TMEM132B: variants seen among roughly 807,000 people sequenced by gnomAD.
TMEM132B encodes the protein transmembrane protein 132B.
A neutral mutation model predicts 90.8 loss-of-function variants in TMEM132B; 18 were observed. The ratio of observed to expected loss-of-function variants is 0.20; its 90% CI spans 0.14 to 0.29. The LOEUF is 0.29. Among genes scored for constraint, TMEM132B ranks in the 10% least tolerant of loss-of-function variants. The pLI is 1.00. For missense variants in TMEM132B, 1,096 were observed against 1,326.8 expected, an observed-to-expected ratio of 0.83 and a Z score of 2.70; for synonymous variants, 504 against 523.3, an observed-to-expected ratio of 0.96 and a Z score of 0.50.
intron 3 of TMEM132B, among the ~76,000 whole-genome samples, chr12:125,422,704 C>A (rs573037718): frequency 2.4e-4 from 37 of 152,310 alleles, no homozygotes; most frequent in African/African-American, 8.2e-4. Context: ...GAGGAAACGG[C>A]CACGTGGTGA....
chr12:125,572,595 A>G (rs1249142174), intron 4 of TMEM132B, among the ~76,000 whole-genome samples: 2 of 152,216 alleles, frequency 1.3e-5, no homozygotes, highest in Admixed American at 6.5e-5. Context: ...GACAGGTGGT[A>G]TATGCTAGGT....
At chr12:125,351,888 G>A (rs761060333) in intron 2 of TMEM132B, among the ~76,000 whole-genome samples, 2 of 152,198 alleles carry the variant, frequency 1.3e-5, no homozygotes, top group Non-Finnish European at 2.9e-5. Context: ...AAGCAGCAAG[G>A]CTGGGTGCCA....
At chr12:125,327,422 C>G (rs1046529427) in intron 1 of TMEM132B, 1 of 152,384 alleles carries the variant, frequency 6.6e-6, no homozygotes, top group Non-Finnish European at 1.5e-5. Context: ...TCTCCCCTCC[C>G]ATCATAGCTA....
chr12:125,223,116 T>G (rs1271581324), intron 1 of TMEM132B, among the ~76,000 whole-genome samples: 1 of 152,230 alleles, frequency 6.6e-6, no homozygotes, highest in Non-Finnish European at 1.5e-5. Context: ...AGGAACTCTC[T>G]CAGCTAGGGC....
intron 1 of TMEM132B, among the ~76,000 whole-genome samples, chr12:125,196,043 T>C (rs1428969809): frequency 6.6e-6 from 1 of 152,178 alleles, no homozygotes; most frequent in Non-Finnish European, 1.5e-5. Context: ...AGGAGGGATC[T>C]GCTTTGACTC....
intron 4 of TMEM132B, among the ~76,000 whole-genome samples, chr12:125,543,387 A>G (rs949386153): frequency 7.9e-5 from 12 of 152,252 alleles, no homozygotes; most frequent in Admixed American, 7.9e-4. Flanking sequence ...TCTAACAACT[A>G]TTTACATAAA....
intron 3 of TMEM132B, among the ~76,000 whole-genome samples, chr12:125,483,116 G>T (rs1037062744): frequency 1.3e-5 from 2 of 151,776 alleles, no homozygotes; most frequent in African/African-American, 2.4e-5. Flanking sequence ...GTTGGGGGAG[G>T]GATAGCATTA....
At chr12:125,325,021 CAG>C (rs1230069075) in intron 1 of TMEM132B, among the ~76,000 whole-genome samples, 2 of 152,132 alleles carry the variant, frequency 1.3e-5, no homozygotes, top group East Asian at 3.9e-4. Flanking sequence ...CAACGCAAAA[CAG>C]AGAGCTCTTC....
chr12:125,193,410 C>T (rs1372241134), intron 1 of TMEM132B, among the ~76,000 whole-genome samples: 1 of 152,178 alleles, frequency 6.6e-6, no homozygotes, highest in Non-Finnish European at 1.5e-5. Flanking sequence ...CTGTGATCTC[C>T]AGGGCTTGTG....
At chr12:125,584,380 C>T (rs935837362) in intron 5 of TMEM132B, 1 of 193,138 alleles carries the variant, frequency 5.2e-6, no homozygotes, top group Admixed American at 5.4e-5. Context: ...ATATTATTTA[C>T]TCAATATATT....
chr12:125,322,388 G>T (rs1271681644), intron 1 of TMEM132B, among the ~76,000 whole-genome samples: 1 of 152,144 alleles, frequency 6.6e-6, no homozygotes, highest in African/African-American at 2.4e-5. Context: ...TAATTACCCA[G>T]TCTCAGATAT....
chr12:125,352,776 T>G (rs1024888454), intron 2 of TMEM132B, among the ~76,000 whole-genome samples: 7 of 152,240 alleles, frequency 4.6e-5, no homozygotes, highest in African/African-American at 1.7e-4. Flanking sequence ...CAATCCTGAC[T>G]GAGGCTGATC....
At chr12:125,264,625 G>C (rs959135438) in intron 1 of TMEM132B, among the ~76,000 whole-genome samples, 1 of 152,220 alleles carries the variant, frequency 6.6e-6, no homozygotes, top group South Asian at 2.1e-4. Flanking sequence ...AAGCAGTTGG[G>C]TCTGGGAGAG....
chr12:125,589,447 A>T (rs1593008731), intron 5 of TMEM132B, among the ~76,000 whole-genome samples: 2 of 130,908 alleles, frequency 1.5e-5, no homozygotes, highest in Middle Eastern at 9.9e-3. Flanking sequence ...GCGCCACTGC[A>T]CCCCAGCCCG....
chr12:125,197,296 A>T lies in TMEM132B; in HGVS notation c.67+10430A>T, dbSNP rs576633384. ...CAGTTTATTGTTCATTTGCTGGTAC[A>T]GGTGTTTTTGTTTTATTTAGTAGAG... On this transcript the variant is annotated intron_variant, in intron 1 of 8. Coordinates refer to ENST00000682704, the MANE Select transcript of TMEM132B (RefSeq NM_001366854.1). Among the ~76,000 whole-genome samples the T allele has an allele frequency of 3.9e-5, 6 of 152,294 alleles. No individual in the cohort carries two copies. In the South Asian group the frequency reaches 1.2e-3, roughly 32 times the overall value.
chr12:125,296,118 C>T (rs796457119), intron 1 of TMEM132B, among the ~76,000 whole-genome samples: 23 of 152,336 alleles, frequency 1.5e-4, no homozygotes, highest in African/African-American at 5.1e-4. Flanking sequence ...CCTTCCTCTG[C>T]TCAGAATCCA....
At chr12:125,196,383 C>T (rs1246079263) in intron 1 of TMEM132B, among the ~76,000 whole-genome samples, 1 of 152,168 alleles carries the variant, frequency 6.6e-6, no homozygotes, top group Admixed American at 6.5e-5. Context: ...GGATGGCCTG[C>T]ATTTTTGCAT....
In TMEM132B at chr12:125,408,509, T is replaced by A. The variant is rs1219246123; in HGVS notation, c.960-7022T>A. 6.6e-6 allele frequency among the ~76,000 whole-genome samples: 1 copy of A among 152,218 alleles called. No individual in the cohort carries two copies. Among genetic ancestry groups the A allele is most frequent in the Non-Finnish European group, 1.5e-5 (1 of 68,040 alleles). On this transcript the variant is annotated intron_variant, in intron 2 of 8. Transcript: ENST00000682704. The surrounding 1 kb of genome is among the most constrained non-coding windows in gnomAD (Gnocchi z 5.9). ...GCAAGCTCTCACCCGGCACTGAAAC[T>A]GCTGACATCTTGCTCTTGGACTTCA... is the stretch of plus-strand genomic sequence containing the variant.
intron 1 of TMEM132B, among the ~76,000 whole-genome samples, chr12:125,331,420 G>T (rs1287413158): frequency 2.0e-5 from 3 of 152,236 alleles, no homozygotes; most frequent in African/African-American, 7.2e-5. Context: ...TGAAGGGGAG[G>T]TGCTGTTTCT....
Sources: allele counts gnomAD v4.1 joint callset (sites outside exome capture counted in the v4.1 genomes callset), GRCh38; gene constraint gnomAD v4.1.1; non-coding constraint Gnocchi (gnomAD v3.1); transcripts MANE v1.5; gene names NCBI Gene and HGNC (gene_info 2026-07-23, HGNC 2026-07-21).